Variants in SH3RF1 observed in about 807,000 individuals in gnomAD.
SH3RF1 encodes SH3 domain containing ring finger 1.
In SH3RF1, 32 loss-of-function variants were observed where a neutral mutation model predicts 74.0. The observed-to-expected ratio is 0.43, with a 90% CI of 0.33 to 0.58. SH3RF1 has a LOEUF of 0.58. Ranked by LOEUF, SH3RF1 falls within the 20% of genes least tolerant of loss-of-function variation. The pLI is 0.05. For missense variants in SH3RF1, 954 were observed against 1,130.9 expected (o/e 0.84, Z 2.24); for synonymous variants, 396 against 439.6 (o/e 0.90, Z 1.24).
chr4:169,199,648 G>A (rs571378550), intron 2 of SH3RF1, among the ~76,000 whole-genome samples: 1 of 151,958 alleles, frequency 6.6e-6, no homozygotes, highest in Non-Finnish European at 1.5e-5. Flanking sequence ...TAACAGAGGA[G>A]ACTAATACAT....
At chr4:169,221,275 A>G (rs955978185) in intron 2 of SH3RF1, among the ~76,000 whole-genome samples, 19 of 152,122 alleles carry the variant, frequency 1.2e-4, no homozygotes, top group Admixed American at 5.2e-4. Context: ...GCTCCTGACA[A>G]TGTTTATAAA....
At chr4:169,159,464 A>G (rs970705589) in intron 2 of SH3RF1, among the ~76,000 whole-genome samples, 6 of 152,214 alleles carry the variant, frequency 3.9e-5, no homozygotes, top group African/African-American at 1.4e-4. Flanking sequence ...GACTCTGATC[A>G]GGCAGTATAG....
At chr4:169,203,022 T>C (rs1579135150) in intron 2 of SH3RF1, among the ~76,000 whole-genome samples, 4 of 152,280 alleles carry the variant, frequency 2.6e-5, no homozygotes, top group East Asian at 1.9e-4. Context: ...AAAAGGTCTA[T>C]GGTAAGCATG....
At chr4:169,125,302 C>CT (rs913029164) in intron 6 of SH3RF1, among the ~76,000 whole-genome samples, 1 of 152,186 alleles carries the variant, frequency 6.6e-6, no homozygotes, top group Non-Finnish European at 1.5e-5. Flanking sequence ...TGTCTTCTCT[C>CT]TGAGTGGGCA....
chr4:169,169,532 G>A (rs1296035274), intron 2 of SH3RF1, among the ~76,000 whole-genome samples: 1 of 152,098 alleles, frequency 6.6e-6, no homozygotes, highest in Non-Finnish European at 1.5e-5. Flanking sequence ...AGGAGGCGGA[G>A]GTTGCAGTGA....
chr4:169,121,252 T>C lies in SH3RF1; in HGVS notation c.1347-263A>G, dbSNP rs192781952. Among the ~76,000 whole-genome samples, 257 of 152,364 alleles carry C rather than the reference T, an allele frequency of 1.7e-3. 2 individuals are homozygous for C. The highest frequency in any genetic ancestry group is 5.9e-3 in the African/African-American group (246 of 41,582). On this transcript the variant is annotated intron_variant, in intron 7 of 11. Coordinates refer to ENST00000284637, the MANE Select transcript of SH3RF1 (RefSeq NM_020870.4). ...ACTATCCCACCAAATAGTATTTGCA[T>C]AGTGTGAAAGAATTAATGCAGTTTC...
intron 2 of SH3RF1, among the ~76,000 whole-genome samples, chr4:169,212,716 A>C (rs1730399735): frequency 6.6e-6 from 1 of 152,168 alleles, no homozygotes; most frequent in Non-Finnish European, 1.5e-5. Flanking sequence ...CATCAACCTA[A>C]GTCCACAGTT....
At chr4:169,242,700 C>T (rs1730932527) in intron 2 of SH3RF1, among the ~76,000 whole-genome samples, 1 of 152,208 alleles carries the variant, frequency 6.6e-6, no homozygotes, top group African/African-American at 2.4e-5. Flanking sequence ...CATAAATGGA[C>T]TGTCCTTTAT....
At chr4:169,156,787 G>A in intron 2 of SH3RF1, 108 bp from the exon 3 acceptor site, 1 of 994,732 alleles carries the variant, frequency 1.0e-6, no homozygotes, top group Non-Finnish European at 1.5e-6. Context: ...AAACCACACT[G>A]TAACCCTTGA....
intron 2 of SH3RF1, among the ~76,000 whole-genome samples, chr4:169,207,901 C>A (rs1434923154): frequency 6.6e-6 from 1 of 152,128 alleles, no homozygotes; most frequent in Non-Finnish European, 1.5e-5. Context: ...GGACTCAGAT[C>A]ACAGGCCTAA....
At chr4:169,207,563 C>T (rs1048670463) in intron 2 of SH3RF1, among the ~76,000 whole-genome samples, 11 of 152,206 alleles carry the variant, frequency 7.2e-5, no homozygotes, top group African/African-American at 2.4e-4. Context: ...TCTGAATCAA[C>T]AATACCCTAA....
At chr4:169,135,603 C>G (rs1181623145) in intron 5 of SH3RF1, among the ~76,000 whole-genome samples, 1 of 152,092 alleles carries the variant, frequency 6.6e-6, no homozygotes, top group African/African-American at 2.4e-5. Context: ...CCTAACACAG[C>G]AAATTGCTAT....
At chr4:169,220,539 C>G (rs1730548275) in intron 2 of SH3RF1, among the ~76,000 whole-genome samples, 1 of 152,214 alleles carries the variant, frequency 6.6e-6, no homozygotes, top group Non-Finnish European at 1.5e-5. Context: ...GTGGGGAACA[C>G]TTGCTTTCTT....
chr4:169,171,502 G>T (rs1264169488), intron 2 of SH3RF1, among the ~76,000 whole-genome samples: 1 of 152,194 alleles, frequency 6.6e-6, no homozygotes, highest in Non-Finnish European at 1.5e-5. Flanking sequence ...ATTTGGGTCA[G>T]AGGTGGAATG....
chr4:169,225,040 G>C (rs771469550), intron 2 of SH3RF1, among the ~76,000 whole-genome samples: 13 of 152,178 alleles, frequency 8.5e-5, no homozygotes, highest in South Asian at 2.1e-4. Context: ...CTCAGACAGA[G>C]AGAGACCAAT....
At chr4:169,144,176 T>C (rs1442404300) in intron 4 of SH3RF1, among the ~76,000 whole-genome samples, 1 of 152,234 alleles carries the variant, frequency 6.6e-6, no homozygotes, top group Admixed American at 6.5e-5. Context: ...TAAAGTGCTA[T>C]ATGAACATGA....
chr4:169,156,551 C>T lies in SH3RF1; in HGVS notation c.522G>A (p.Gly174=). The T allele has an allele frequency of 6.2e-7, 1 of 1,614,048 alleles. No individual in the cohort carries two copies. Among genetic ancestry groups the T allele is most frequent in the South Asian group, 1.1e-5 (1 of 91,068 alleles). ...AAAAGCCATGGATTCCATTGACTTC[C>T]CCATGGTACCAATTTTCATCCACTT... The part of the protein sequence containing the change: ...RRQVDENWYH[G]EVNGIHGFFP... Residue 174 remains glycine, a synonymous_variant, in exon 3 of 12, where the codon GGG becomes GGA. Coordinates refer to ENST00000284637, the MANE Select transcript of SH3RF1 (RefSeq NM_020870.4).
At position 169,219,978 on chromosome 4, in the gene SH3RF1, G is replaced by A. The variant is rs563491054; in HGVS notation, c.393+48842C>T. On this transcript the variant is annotated intron_variant, in intron 2 of 11. Coordinates refer to ENST00000284637, the MANE Select transcript of SH3RF1 (RefSeq NM_020870.4). Reference sequence around the variant, plus strand: ...TTCCAGGCGATCAGTACAAACTAGCGTGTGGTACTCTAAATTACAGGAAAG... The same window carrying A: ...TTCCAGGCGATCAGTACAAACTAGCATGTGGTACTCTAAATTACAGGAAAG... The A allele has an allele frequency of 1.9e-3, 285 of 149,458 alleles. 2 individuals carry two copies. The highest frequency in any genetic ancestry group is 6.4e-3 in the African/African-American group (258 of 40,472). 9.3% of individuals were successfully genotyped at this position (149,458 alleles called of 1,614,324 possible). A position where few individuals can be genotyped will look rare whatever the true frequency, so the allele number is the denominator to read the frequency against.
intron 5 of SH3RF1, among the ~76,000 whole-genome samples, chr4:169,133,332 G>A (rs1482179415): frequency 6.6e-6 from 1 of 152,128 alleles, no homozygotes; most frequent in Non-Finnish European, 1.5e-5. Context: ...AAAATTAGAC[G>A]GGTGTGGTGG....
Sources: gnomAD v4.1 joint callset for allele counts (sites outside exome capture counted in the v4.1 genomes callset) on GRCh38, gnomAD v4.1.1 for gene constraint, MANE v1.5 for transcripts, NCBI Gene and HGNC (gene_info 2026-07-23, HGNC 2026-07-21) for gene names.